SLCO1B1: variants seen among roughly 807,000 people sequenced by gnomAD.
The protein encoded by SLCO1B1 is solute carrier organic anion transporter family member 1B1, also known as OATP-2.
A neutral mutation model predicts 70.1 loss-of-function variants in SLCO1B1; 81 were observed. The ratio of observed to expected loss-of-function variants is 1.16; its 90% CI spans 0.97 to 1.39. The LOEUF (loss-of-function observed/expected upper bound fraction) is 1.39, where lower values mean the gene tolerates loss of function less well. SLCO1B1 is among the 40% of genes most tolerant of loss of function. SLCO1B1 has a pLI of 0.00. For missense variants in SLCO1B1, 895 were observed against 799.6 expected, an observed-to-expected ratio of 1.12 and a Z score of -1.44; for synonymous variants, 283 against 271.5, an observed-to-expected ratio of 1.04 and a Z score of -0.42.
intron 14 of SLCO1B1, among the ~76,000 whole-genome samples, chr12:21,237,872 G>A (rs1258731973): frequency 6.6e-6 from 1 of 151,862 alleles, no homozygotes; most frequent in Non-Finnish European, 1.5e-5. Context: ...CCGCCACCAC[G>A]CCCAGCTAGT....
chr12:21,197,205 C>G lies in SLCO1B1; in HGVS notation c.970+17C>G. 6.2e-7 allele frequency: 1 copy of G among 1,611,490 alleles called. No homozygotes were observed. The highest frequency in any genetic ancestry group is 8.5e-7 in the Non-Finnish European group (1 of 1,178,754). Reference sequence around the variant, plus strand: ...ATGTGACTGGTAAGTATTTAACATTCATTGTCAATTTGGAGTTGTTAATCT... The same window carrying G: ...ATGTGACTGGTAAGTATTTAACATTGATTGTCAATTTGGAGTTGTTAATCT... On this transcript the variant is annotated intron_variant, in intron 8 of 14. Coordinates refer to ENST00000256958, the MANE Select transcript of SLCO1B1 (RefSeq NM_006446.5).
At chr12:21,226,891 TA>T (rs532971076) in intron 14 of SLCO1B1, among the ~76,000 whole-genome samples, 28 of 151,844 alleles carry the variant, frequency 1.8e-4, no homozygotes, top group Non-Finnish European at 4.1e-4. Flanking sequence ...TATGTTCTAT[TA>T]AAAAAAATCA....
intron 11 of SLCO1B1, among the ~76,000 whole-genome samples, chr12:21,206,252 T>C (rs1291933548): frequency 6.6e-6 from 1 of 151,918 alleles, no homozygotes; most frequent in East Asian, 1.9e-4. Context: ...TGAATTCTAA[T>C]TGGAGATCAC....
At chr12:21,141,126 G>A (rs1176524954) in intron 1 of SLCO1B1, among the ~76,000 whole-genome samples, 1 of 151,614 alleles carries the variant, frequency 6.6e-6, no homozygotes, top group Non-Finnish European at 1.5e-5. Context: ...GGGCTAATAG[G>A]CACATTTTAA....
intron 11 of SLCO1B1, 80 bp from the exon 12 acceptor site, chr12:21,217,039 A>G: frequency 9.6e-7 from 1 of 1,046,254 alleles, no homozygotes; most frequent in Non-Finnish European, 1.5e-6. Context: ...GTGAGACTTC[A>G]CTAAATATAA....
rs1342006693 is a variant in SLCO1B1, at chr12:21,233,570, AC to A, written c.1866-5408del. ...GAGACCTCAAAAAAAAAACAAACAA[AC>A]AAAAAAAAAAAAACAAGAGCCCCAA... On this transcript the variant is annotated intron_variant, in intron 14 of 14. Coordinates refer to ENST00000256958, the MANE Select transcript of SLCO1B1 (RefSeq NM_006446.5). Among the ~76,000 whole-genome samples the A allele has an allele frequency of 7.5e-4, 97 of 129,230 alleles. 1 individual carries two copies. The East Asian group carries it at 0.027, about 36-fold the overall frequency. 84.8% of individuals were successfully genotyped at this position (129,230 alleles called of 152,430 possible).
chr12:21,198,577 T>C (rs1941120640), intron 8 of SLCO1B1, among the ~76,000 whole-genome samples: 1 of 152,082 alleles, frequency 6.6e-6, no homozygotes, highest in South Asian at 2.1e-4. Context: ...ACAGTTTTTG[T>C]AGGTGTGACC....
intron 1 of SLCO1B1, among the ~76,000 whole-genome samples, chr12:21,132,937 G>A (rs1210187578): frequency 6.6e-6 from 1 of 151,978 alleles, no homozygotes; most frequent in Non-Finnish European, 1.5e-5. Context: ...TATTGCCTAG[G>A]TTTTCTTCTA....
chr12:21,232,715 A>AAGAC (rs904760061), intron 14 of SLCO1B1, among the ~76,000 whole-genome samples: 13 of 150,220 alleles, frequency 8.7e-5, no homozygotes, highest in African/African-American at 3.2e-4. Context: ...GAGAGACAGA[A>AAGAC]AGACAGAGAG....
At chr12:21,236,440 T>C (rs1361213058) in intron 14 of SLCO1B1, among the ~76,000 whole-genome samples, 8 of 152,164 alleles carry the variant, frequency 5.3e-5, no homozygotes, top group African/African-American at 1.9e-4. Flanking sequence ...ACCAACAGTA[T>C]GGCACATCTT....
At chr12:21,159,292 T>G (rs1302722391) in intron 2 of SLCO1B1, among the ~76,000 whole-genome samples, 1 of 152,048 alleles carries the variant, frequency 6.6e-6, no homozygotes, top group East Asian at 1.9e-4. Context: ...GCTGACCAAA[T>G]TAGAGTTTAA....
At chr12:21,152,670 G>C (rs552300542) in intron 2 of SLCO1B1, among the ~76,000 whole-genome samples, 7 of 151,614 alleles carry the variant, frequency 4.6e-5, no homozygotes, top group Non-Finnish European at 5.9e-5. Context: ...TGGAAGACTA[G>C]AATTGGCTGG....
intron 13 of SLCO1B1, among the ~76,000 whole-genome samples, chr12:21,222,956 A>T (rs1941444676): frequency 6.6e-6 from 1 of 152,116 alleles, no homozygotes; most frequent in African/African-American, 2.4e-5. Flanking sequence ...AGGAAATGAG[A>T]TGCTATAGTA....
In SLCO1B1 at chr12:21,134,800, AT is replaced by A. The variant is rs568390218; in HGVS notation, c.-62+3570del. On this transcript the variant is annotated intron_variant, in intron 1 of 14. Coordinates refer to ENST00000256958, the MANE Select transcript of SLCO1B1 (RefSeq NM_006446.5). ...AAAAAACCAGCTCCTGGATTCATTA[AT>A]TTTTTGAAGGGTTTTTTGTGTCTCT... 2.2e-3 allele frequency among the ~76,000 whole-genome samples: 328 copies of A among 152,142 alleles called. 3 individuals carry two copies. The highest frequency in any genetic ancestry group is 7.8e-3 in the African/African-American group (322 of 41,512).
At chr12:21,178,100 T>C (rs1403506728) in intron 5 of SLCO1B1, among the ~76,000 whole-genome samples, 2 of 152,108 alleles carry the variant, frequency 1.3e-5, no homozygotes, top group African/African-American at 4.8e-5. Context: ...CACTCAAATA[T>C]CACCTTGATT....
At chr12:21,164,525 GTTC>G (rs1180035589) in intron 2 of SLCO1B1, among the ~76,000 whole-genome samples, 3 of 151,748 alleles carry the variant, frequency 2.0e-5, no homozygotes, top group South Asian at 2.1e-4. Context: ...TTTTTCCTAA[GTTC>G]TTCTTCTTCA....
rs754229546 is a variant in SLCO1B1, at chr12:21,206,019, A to C, written c.1483A>C (p.Asn495His). 9 of 1,611,734 alleles carry C rather than the reference A, an allele frequency of 5.6e-6. No homozygotes were observed. The highest frequency in any genetic ancestry group is 7.6e-6 in the Non-Finnish European group (9 of 1,178,354). ...AGCAGGTTGCAAATCTTCAAGTGGC[A>C]ATAAAAAGCCTATAGTGAGTATTAG... The part of the protein sequence containing the change: ...CLAGCKSSSG[N>H]KKPIVFYNCS... The change falls in exon 11 of 15, where the codon AAT becomes CAT. Residue 495 changes from asparagine (N) to histidine (H), a missense_variant. Physicochemically the swap from Asn to His is moderately conservative, Grantham distance 68. Transcript: ENST00000256958.
intron 2 of SLCO1B1, among the ~76,000 whole-genome samples, chr12:21,169,133 C>T (rs1360868105): frequency 1.3e-5 from 2 of 152,090 alleles, no homozygotes; most frequent in Non-Finnish European, 2.9e-5. Context: ...CTTCCTTGTA[C>T]TAAATGAATG....
intron 2 of SLCO1B1, among the ~76,000 whole-genome samples, chr12:21,146,298 C>T (rs943562435): frequency 3.9e-5 from 6 of 151,940 alleles, no homozygotes; most frequent in Non-Finnish European, 7.4e-5. Context: ...GTTATGTCCC[C>T]GCCTTTATTT....
Sources: allele counts gnomAD v4.1 joint callset (sites outside exome capture counted in the v4.1 genomes callset), GRCh38; gene constraint gnomAD v4.1.1; transcripts MANE v1.5; gene names NCBI Gene and HGNC (gene_info 2026-07-23, HGNC 2026-07-21).